The following AIM2 variants were observed in gnomAD, a reference collection of about 807,000 sequenced individuals.
AIM2 encodes the protein interferon-inducible protein AIM2.
In AIM2, 30 loss-of-function variants were observed where a neutral mutation model predicts 27.7. That is an observed-to-expected ratio of 1.08 (90% CI 0.81 to 1.47). The LOEUF is 1.47. AIM2 is among the 40% of genes most tolerant of loss of function. The probability of loss-of-function intolerance (pLI) is 0.00; values close to 1 mark genes in which losing one functional copy is unlikely to be tolerated. For missense variants in AIM2, 358 were observed against 411.3 expected (o/e 0.87, Z 1.12); for synonymous variants, 141 against 145.3 (o/e 0.97, Z 0.21).
At chr1:159,118,927 T>C (rs2102037391) in intron 1 of AIM2, among the ~76,000 whole-genome samples, 1 of 152,276 alleles carries the variant, frequency 6.6e-6, no homozygotes, top group South Asian at 2.1e-4. Flanking sequence ...GGAATCTTAG[T>C]TGCATATAAT....
chr1:159,057,100 CTT>C, the AIM2 span, among the ~76,000 whole-genome samples: 14 of 152,156 alleles, frequency 9.2e-5, no homozygotes, highest in African/African-American at 3.1e-4. Context: ...AGAGCATCCT[CTT>C]TCCCTCTTCC....
At chr1:159,139,408 G>A (rs980730018) in intron 1 of AIM2, among the ~76,000 whole-genome samples, 14 of 152,058 alleles carry the variant, frequency 9.2e-5, no homozygotes, top group Non-Finnish European at 1.5e-4. Context: ...TACCCTCCCC[G>A]TATGCTTAGG....
At chr1:159,075,178 T>G (rs770614032) in intron 1 of AIM2, among the ~76,000 whole-genome samples, 1 of 152,110 alleles carries the variant, frequency 6.6e-6, no homozygotes, top group East Asian at 1.9e-4. Context: ...AAAGTGGCAT[T>G]AAAAATCACA....
chr1:159,118,052 A>G (rs1323489487), intron 1 of AIM2, among the ~76,000 whole-genome samples: 14 of 152,176 alleles, frequency 9.2e-5, no homozygotes. Context: ...TCTCTTATAC[A>G]GCCTCAATGC....
At chr1:159,112,368 C>T (rs1181053370) in intron 1 of AIM2, among the ~76,000 whole-genome samples, 1 of 152,126 alleles carries the variant, frequency 6.6e-6, no homozygotes, top group Non-Finnish European at 1.5e-5. Context: ...ACATTAGGCA[C>T]CAAAGCAATA....
intron 5 of AIM2, among the ~76,000 whole-genome samples, chr1:159,063,260 CACA>C (rs1655918466): frequency 6.6e-6 from 1 of 152,148 alleles, no homozygotes; most frequent in Non-Finnish European, 1.5e-5. Context: ...GCTCTGTGGG[CACA>C]ACAATATGCG....
chr1:159,062,627 T>C lies in AIM2; in HGVS notation c.*65A>G. Reference sequence around the variant, plus strand: ...ACTTACAATCTGATTGAAGAGGCTGTATCACATATTCTTCAATTAAATGCT... The same window carrying C: ...ACTTACAATCTGATTGAAGAGGCTGCATCACATATTCTTCAATTAAATGCT... On this transcript the variant is annotated 3_prime_UTR_variant, in exon 6 of 6. Coordinates refer to ENST00000368130, the MANE Select transcript of AIM2 (RefSeq NM_004833.3). The C allele has an allele frequency of 6.8e-7, 1 of 1,467,066 alleles. No homozygotes were observed. Among genetic ancestry groups the C allele is most frequent in the Non-Finnish European group, 9.5e-7 (1 of 1,049,786 alleles). 90.9% of individuals were successfully genotyped at this position (1,467,066 alleles called of 1,614,324 possible).
intron 1 of AIM2, among the ~76,000 whole-genome samples, chr1:159,111,145 G>A (rs1226321154): frequency 2.0e-5 from 3 of 152,066 alleles, no homozygotes; most frequent in Non-Finnish European, 4.4e-5. Flanking sequence ...AACAACCACA[G>A]CAAGAACAGG....
intron 1 of AIM2, among the ~76,000 whole-genome samples, chr1:159,101,971 T>A (rs1384229878): frequency 6.6e-6 from 1 of 152,074 alleles, no homozygotes; most frequent in African/African-American, 2.4e-5. Context: ...AGAAGGCAAA[T>A]GTTAATCACC....
chr1:159,145,251 C>A (rs1466092143), upstream of AIM2, among the ~76,000 whole-genome samples: 2 of 152,150 alleles, frequency 1.3e-5, no homozygotes, highest in South Asian at 2.1e-4. Context: ...GACATACATA[C>A]CCACAATGCA....
chr1:159,102,270 T>C (rs547280443), intron 1 of AIM2, among the ~76,000 whole-genome samples: 17 of 152,340 alleles, frequency 1.1e-4, no homozygotes, highest in African/African-American at 3.6e-4. Flanking sequence ...AAGACAAGAA[T>C]TGAGGTTTGG....
chr1:159,117,419 A>G (rs986949149), intron 1 of AIM2, among the ~76,000 whole-genome samples: 4 of 152,208 alleles, frequency 2.6e-5, no homozygotes, highest in African/African-American at 9.6e-5. Context: ...GATAGGAAAA[A>G]TAATAATATA....
chr1:159,126,390 G>A (rs1647686519), intron 1 of AIM2, among the ~76,000 whole-genome samples: 1 of 152,130 alleles, frequency 6.6e-6, no homozygotes, highest in African/African-American at 2.4e-5. Context: ...GTTCACGCCT[G>A]TAATCCCAGC....
chr1:159,072,923 T>G (rs1424768822), intron 2 of AIM2, among the ~76,000 whole-genome samples: 5 of 152,200 alleles, frequency 3.3e-5, no homozygotes. Context: ...AAGTTAACTT[T>G]GAAATTCTAC....
upstream of AIM2, among the ~76,000 whole-genome samples, chr1:159,079,569 A>C (rs1433247709): frequency 6.6e-6 from 1 of 152,064 alleles, no homozygotes; most frequent in Non-Finnish European, 1.5e-5. Context: ...TTTATTTTTT[A>C]AAGCAGTTTT....
intron 2 of AIM2, among the ~76,000 whole-genome samples, chr1:159,071,773 G>A (rs987538910): frequency 6.6e-6 from 1 of 152,196 alleles, no homozygotes; most frequent in Non-Finnish European, 1.5e-5. Context: ...GCCTCCCAAA[G>A]TGCTGGGATT....
At chr1:159,122,364 CAATATCCAGTAAG>C (rs1647559910) in intron 1 of AIM2, 1 of 152,196 alleles carries the variant, frequency 6.6e-6, no homozygotes, top group Non-Finnish European at 1.5e-5. Context: ...CCACTGGCAT[CAATATCCAGTAAG>C]CTGACAAGAA....
the AIM2 span, chr1:159,055,139 C>A: frequency 3.2e-6 from 1 of 310,328 alleles, no homozygotes; most frequent in East Asian, 5.5e-5. Context: ...TAAACATTAT[C>A]TTTTTTGTGA....
intron 1 of AIM2, among the ~76,000 whole-genome samples, chr1:159,114,315 G>A (rs900765903): frequency 6.6e-6 from 1 of 152,236 alleles, no homozygotes; most frequent in Non-Finnish European, 1.5e-5. Flanking sequence ...GAGCCTGGGA[G>A]AAGGCAGCAG....
Sources: allele counts gnomAD v4.1 joint callset (sites outside exome capture counted in the v4.1 genomes callset), GRCh38; gene constraint gnomAD v4.1.1; transcripts MANE v1.5; gene names NCBI Gene and HGNC (gene_info 2026-07-23, HGNC 2026-07-21).